Variants in PPP1R12B observed in about 807,000 individuals in gnomAD.
PPP1R12B encodes myosin phosphatase target subunit 2.
Under a neutral mutation model 126.1 loss-of-function variants are expected in PPP1R12B, and 76 were observed. The ratio of observed to expected loss-of-function variants is 0.60; its 90% CI spans 0.50 to 0.73. The LOEUF is 0.73. Ranked by LOEUF, PPP1R12B falls within the 30% of genes least tolerant of loss-of-function variation. The probability of loss-of-function intolerance (pLI) is 0.00; values close to 1 mark genes in which losing one functional copy is unlikely to be tolerated. For missense variants in PPP1R12B, 1,052 were observed against 1,205.1 expected (o/e 0.87, Z 1.88); for synonymous variants, 356 against 434.7 (o/e 0.82, Z 2.25).
Position 202,584,962 on chromosome 1 carries a change from CCAAT to C in PPP1R12B, c.*4405_*4408del, listed in dbSNP as rs1689734038. ...TGACCGCACTTTAAGCACACACTTA[CCAAT>C]CAGAGGTCGTGTAATTGGCCTAAAT... On this transcript the variant is annotated 3_prime_UTR_variant, in exon 24 of 24. Coordinates refer to ENST00000608999, the MANE Select transcript of PPP1R12B (RefSeq NM_002481.4). 6.6e-6 allele frequency: 1 copy of C among 152,230 alleles called. No homozygotes were observed. Among genetic ancestry groups the C allele is most frequent in the African/African-American group, 2.4e-5 (1 of 41,436 alleles). 9.4% of individuals were successfully genotyped at this position (152,230 alleles called of 1,614,324 possible). A position where few individuals can be genotyped will look rare whatever the true frequency, so the allele number is the denominator to read the frequency against.
chr1:202,440,280 A>G (rs1671439195), intron 10 of PPP1R12B, among the ~76,000 whole-genome samples: 1 of 152,186 alleles, frequency 6.6e-6, no homozygotes, highest in Non-Finnish European at 1.5e-5. Flanking sequence ...ACTCTGCAGC[A>G]TACTATTGTA....
intron 18 of PPP1R12B, among the ~76,000 whole-genome samples, chr1:202,512,548 T>C (rs565371439): frequency 6.6e-6 from 1 of 152,360 alleles, no homozygotes; most frequent in Middle Eastern, 3.4e-3. Context: ...CTCTCTGAGC[T>C]CTGAAAGTTC....
intron 2 of PPP1R12B, among the ~76,000 whole-genome samples, chr1:202,421,563 C>G (rs751835019): frequency 3.3e-4 from 50 of 151,380 alleles, no homozygotes; most frequent in East Asian, 5.9e-4. Flanking sequence ...TTGCTTGAAC[C>G]TGGAACGTGG....
intron 5 of PPP1R12B, among the ~76,000 whole-genome samples, chr1:202,427,708 G>A (rs1323852204): frequency 1.3e-5 from 2 of 151,988 alleles, no homozygotes; most frequent in Non-Finnish European, 2.9e-5. Context: ...GCAGTGGTGC[G>A]ACCTCAGCTC....
intron 1 of PPP1R12B, among the ~76,000 whole-genome samples, chr1:202,388,522 A>G (rs1004460994): frequency 2.6e-5 from 4 of 152,194 alleles, no homozygotes; most frequent in African/African-American, 9.7e-5. Flanking sequence ...ACTTGTAGGA[A>G]GAAAATATAA....
At chr1:202,428,266 C>G (rs1669801963) in intron 5 of PPP1R12B, among the ~76,000 whole-genome samples, 1 of 152,104 alleles carries the variant, frequency 6.6e-6, no homozygotes, top group Non-Finnish European at 1.5e-5. Flanking sequence ...CTGTGCCCAG[C>G]CCATATATGT....
intron 13 of PPP1R12B, chr1:202,473,869 T>C (rs1451122511): frequency 4.6e-5 from 24 of 524,714 alleles, no homozygotes; most frequent in Non-Finnish European, 9.0e-5. Flanking sequence ...CTGCAGTCTT[T>C]CCCAGCAGCC....
At chr1:202,349,365 G>A (rs1212635279) in intron 1 of PPP1R12B, among the ~76,000 whole-genome samples, 3 of 152,160 alleles carry the variant, frequency 2.0e-5, no homozygotes, top group Non-Finnish European at 2.9e-5. Context: ...CTTGGTCAGT[G>A]TTTGTATTTC....
Position 202,592,351 on chromosome 1 carries a change from C to G in PPP1R12B, c.*11791C>G, listed in dbSNP as rs1396010046. 6.5e-6 allele frequency: 1 copy of G among 152,674 alleles called. No individual in the cohort carries two copies. Among genetic ancestry groups the G allele is most frequent in the Non-Finnish European group, 1.5e-5 (1 of 68,060 alleles). 9.5% of individuals were successfully genotyped at this position (152,674 alleles called of 1,614,324 possible). On this transcript the variant is annotated 3_prime_UTR_variant, in exon 24 of 24. Coordinates refer to ENST00000608999, the MANE Select transcript of PPP1R12B (RefSeq NM_002481.4). ...GGCTGGACTGGAGCAGGCACCGACT[C>G]CCGCCCACTGATGACTCCCATGGGG...
chr1:202,570,212 C>T (rs1688462507), intron 23 of PPP1R12B, among the ~76,000 whole-genome samples: 1 of 152,108 alleles, frequency 6.6e-6, no homozygotes, highest in Admixed American at 6.5e-5. Context: ...TAGGCAGATC[C>T]CCAAATGTCT....
rs370765923 is a variant in PPP1R12B, at chr1:202,434,688, A to C, written c.1174A>C (p.Asn392His). 2 of 1,613,542 alleles carry C rather than the reference A, an allele frequency of 1.2e-6. No homozygotes were observed. The highest frequency in any genetic ancestry group is 8.5e-7 in the Non-Finnish European group (1 of 1,179,872). Reference protein sequence around the residue: ...KKPEAFVNHSNSESKSSITEQ... With the variant: ...KKPEAFVNHSHSESKSSITEQ... ...GCCAGAAGCCTTTGTCAATCATTCCAACTCTGAAAGCAAGAGTAGTATCAC... is the reference window on the plus strand; with the variant it reads ...GCCAGAAGCCTTTGTCAATCATTCCCACTCTGAAAGCAAGAGTAGTATCAC... Residue 392 changes from asparagine to histidine, a missense_variant, in exon 9 of 24, where the codon AAC becomes CAC. Transcript: ENST00000608999.
chr1:202,458,158 T>A (rs1242947893), intron 13 of PPP1R12B, among the ~76,000 whole-genome samples: 3 of 150,548 alleles, frequency 2.0e-5, no homozygotes, highest in African/African-American at 4.9e-5. Context: ...GGTATTCCAC[T>A]GGAGAAACTT....
At position 202,582,283 on chromosome 1, in the gene PPP1R12B, TATC is replaced by T. The variant is rs1195261394; in HGVS notation, c.*1726_*1728del. ...CTCTAGACAAAACCAGCCTTTAAAA[TATC>T]ATGTCCAGGCCTGGAAAGAATACAA... On this transcript the variant is annotated 3_prime_UTR_variant, in exon 24 of 24. Coordinates refer to ENST00000608999, the MANE Select transcript of PPP1R12B (RefSeq NM_002481.4). 6.6e-6 allele frequency: 1 copy of T among 152,614 alleles called. No homozygotes were observed. Among genetic ancestry groups the T allele is most frequent in the African/African-American group, 2.4e-5 (1 of 41,450 alleles). The allele number at this position is 152,614 out of a possible 1,614,324, so 9.5% of individuals were successfully genotyped here. A position where few individuals can be genotyped will look rare whatever the true frequency, so the allele number is the denominator to read the frequency against.
intron 19 of PPP1R12B, 50 bp downstream of exon 19, chr1:202,558,943 G>T (rs1687238641): frequency 6.6e-7 from 1 of 1,513,644 alleles, no homozygotes; most frequent in South Asian, 1.3e-5. Context: ...GTGAGTGAAT[G>T]CATGTCGAAT....
In PPP1R12B at chr1:202,375,255, T is replaced by C. The variant is rs527329367; in HGVS notation, c.291+26113T>C. 2.6e-5 allele frequency among the ~76,000 whole-genome samples: 4 copies of C among 152,342 alleles called. No homozygotes were observed. The South Asian group carries it at 8.3e-4, about 32-fold the overall frequency. ...CACTGCATCTGGCCTCTCAAACTAT[T>C]TTCTATGCTTCAGCCAGGAAAACCT... On this transcript the variant is annotated intron_variant, in intron 1 of 23. Coordinates refer to ENST00000608999, the MANE Select transcript of PPP1R12B (RefSeq NM_002481.4).
chr1:202,538,884 C>A (rs1016968565), intron 18 of PPP1R12B, among the ~76,000 whole-genome samples: 1 of 152,074 alleles, frequency 6.6e-6, no homozygotes, highest in Admixed American at 6.5e-5. Context: ...CATTTCTGAC[C>A]CTTCTTTCTT....
rs796516598 is a variant in PPP1R12B at position 202,389,571 on chromosome 1, G to A, written c.292-27216G>A. ...AGGCAGAACTGCGTGAACCCGGGAG[G>A]TGGAGCTTGCAGTGAGCCGAGATTG... is the stretch of plus-strand genomic sequence containing the variant. On this transcript the variant is annotated intron_variant, in intron 1 of 23. Transcript: ENST00000608999. 5.9e-5 allele frequency among the ~76,000 whole-genome samples: 9 copies of A among 152,038 alleles called. 1 individual carries two copies. Among genetic ancestry groups the A allele is most frequent in the African/African-American group, 2.2e-4 (9 of 41,472 alleles).
chr1:202,421,563 C>T (rs751835019), intron 2 of PPP1R12B, among the ~76,000 whole-genome samples: 1 of 151,266 alleles, frequency 6.6e-6, no homozygotes, highest in Non-Finnish European at 1.5e-5. Context: ...TTGCTTGAAC[C>T]TGGAACGTGG....
chr1:202,426,777 C>T (rs952682027), intron 4 of PPP1R12B, among the ~76,000 whole-genome samples: 4 of 152,144 alleles, frequency 2.6e-5, no homozygotes, highest in East Asian at 1.9e-4. Flanking sequence ...CATACGTTTC[C>T]GTATACTCCC....
Sources: gnomAD v4.1 joint callset for allele counts (sites outside exome capture counted in the v4.1 genomes callset) on GRCh38, gnomAD v4.1.1 for gene constraint, MANE v1.5 for transcripts, NCBI Gene and HGNC (gene_info 2026-07-23, HGNC 2026-07-21) for gene names.